CTIF: variants seen among roughly 807,000 people sequenced by gnomAD.
CTIF encodes cap binding complex dependent translation initiation factor, also known as CBP80/20-dependent translation initiation factor.
Under a neutral mutation model 66.0 loss-of-function variants are expected in CTIF, and 21 were observed. That is an observed-to-expected ratio of 0.32 (90% CI 0.23 to 0.46). The LOEUF is 0.46. Ranked by LOEUF, CTIF falls within the 20% of genes least tolerant of loss-of-function variation. CTIF has a pLI of 1.00. For missense variants in CTIF, 739 were observed against 812.7 expected, an observed-to-expected ratio of 0.91 and a Z score of 1.10; for synonymous variants, 345 against 326.4, an observed-to-expected ratio of 1.06 and a Z score of -0.62.
intron 10 of CTIF, among the ~76,000 whole-genome samples, chr18:48,829,082 G>A (rs1422964382): frequency 6.6e-6 from 1 of 152,242 alleles, no homozygotes; most frequent in East Asian, 1.9e-4. Context: ...GGAGGAGGGA[G>A]GGGGTGCAGA....
At chr18:48,771,065 CTGGGCGGTGG>C (rs1391191161) in intron 9 of CTIF, among the ~76,000 whole-genome samples, 3 of 152,140 alleles carry the variant, frequency 2.0e-5, no homozygotes, top group Admixed American at 2.0e-4. Flanking sequence ...TATTGTCTTC[CTGGGCGGTGG>C]GCCCAGGATT....
At chr18:48,846,237 T>G (rs937013393) in intron 10 of CTIF, among the ~76,000 whole-genome samples, 4 of 152,226 alleles carry the variant, frequency 2.6e-5, no homozygotes, top group Non-Finnish European at 4.4e-5. Flanking sequence ...CTAGTGCACA[T>G]TTTTTGCTTT....
rs201591581 is a variant in CTIF at position 48,636,651 on chromosome 18, G to A, written c.218G>A (p.Cys73Tyr). The part of the protein sequence containing the change: ...ADCSEPLDSS[C>Y]SFSRGRAPPQ... ...TGCAGCGAACCGCTGGACAGCAGCTGTTCCTTCTCCCGAGGGCGAGCCCCC... is the reference window on the plus strand; with the variant it reads ...TGCAGCGAACCGCTGGACAGCAGCTATTCCTTCTCCCGAGGGCGAGCCCCC... The change falls in exon 3 of 12, where the codon TGT becomes TAT. Residue 73 changes from cysteine to tyrosine, a missense_variant. Physicochemically the swap from Cys to Tyr is radical, Grantham distance 194. Coordinates refer to ENST00000256413, the MANE Select transcript of CTIF (RefSeq NM_014772.3). 25 of 1,601,666 alleles carry A rather than the reference G, an allele frequency of 1.6e-5. No homozygotes were observed. The highest frequency in any genetic ancestry group is 2.0e-5 in the Non-Finnish European group (23 of 1,175,148).
intron 2 of CTIF, among the ~76,000 whole-genome samples, chr18:48,628,243 T>C (rs1171624557): frequency 6.6e-6 from 1 of 152,118 alleles, no homozygotes; most frequent in African/African-American, 2.4e-5. Flanking sequence ...ATTAGTCACC[T>C]TAGAGGAGAT....
At position 48,857,601 on chromosome 18, in the gene CTIF, A is replaced by G. The variant is rs147123396; in HGVS notation, c.1541A>G (p.Gln514Arg). 2.9e-4 allele frequency: 467 copies of G among 1,608,338 alleles called. No homozygotes were observed. The highest frequency in any genetic ancestry group is 3.8e-4 in the Non-Finnish European group (442 of 1,177,374). Residue 514 changes from glutamine to arginine, a missense_variant, in exon 11 of 12, where the codon CAG becomes CGG. Physicochemically the swap from Gln to Arg is conservative, Grantham distance 43. Transcript: ENST00000256413. Reference protein sequence around the residue: ...YTCLRELLQSQDVKEDAVLCC... With the variant: ...YTCLRELLQSRDVKEDAVLCC... Reference sequence around the variant, plus strand: ...TCTCTTCCACAGCTCTTGCAATCTCAGGATGTGAAGGAAGATGCTGTCCTT... The same window carrying G: ...TCTCTTCCACAGCTCTTGCAATCTCGGGATGTGAAGGAAGATGCTGTCCTT...
Position 48,758,056 on chromosome 18 carries a change from A to T in CTIF, c.722A>T (p.His241Leu), listed in dbSNP as rs1033412889. 2.5e-6 allele frequency: 4 copies of T among 1,613,992 alleles called. No homozygotes were observed. Among genetic ancestry groups the T allele is most frequent in the Non-Finnish European group, 2.5e-6 (3 of 1,179,970 alleles). Reference protein sequence around the residue: ...SAPHPSGRPTHHGYSQNRRWH... With the variant: ...SAPHPSGRPTLHGYSQNRRWH... Reference sequence around the variant, plus strand: ...CCCCACCCCTCAGGGAGGCCCACTCACCATGGCTACAGCCAGAACCGGCGC... The same window carrying T: ...CCCCACCCCTCAGGGAGGCCCACTCTCCATGGCTACAGCCAGAACCGGCGC... Residue 241 changes from histidine to leucine, a missense_variant, in exon 8 of 12, where the codon CAC (histidine) becomes CTC (leucine). Transcript: ENST00000256413.
intron 1 of CTIF, among the ~76,000 whole-genome samples, chr18:48,604,068 T>A (rs1455961227): frequency 6.7e-6 from 1 of 150,338 alleles, no homozygotes; most frequent in Non-Finnish European, 1.5e-5. Flanking sequence ...TGAGCTGAAC[T>A]CCTGAGCTCA....
intron 1 of CTIF, among the ~76,000 whole-genome samples, chr18:48,550,803 G>A (rs1367967614): frequency 6.6e-6 from 1 of 152,132 alleles, no homozygotes. Flanking sequence ...CGGCCACAGG[G>A]TCCATGCTTC....
At chr18:48,728,202 C>T (rs1168055430) in intron 7 of CTIF, among the ~76,000 whole-genome samples, 3 of 152,146 alleles carry the variant, frequency 2.0e-5, no homozygotes, top group Non-Finnish European at 4.4e-5. Flanking sequence ...TCCCTTAAAG[C>T]CCCCATCACC....
At chr18:48,637,582 A>T (rs2090847378) in intron 3 of CTIF, among the ~76,000 whole-genome samples, 1 of 152,068 alleles carries the variant, frequency 6.6e-6, no homozygotes. Flanking sequence ...GCTTCAGTCC[A>T]CTTAATCATG....
intron 1 of CTIF, among the ~76,000 whole-genome samples, chr18:48,575,462 A>G (rs1322618772): frequency 1.3e-5 from 2 of 152,166 alleles, no homozygotes; most frequent in Non-Finnish European, 2.9e-5. Flanking sequence ...TAATTAGATT[A>G]ATTTTCGATT....
intron 7 of CTIF, among the ~76,000 whole-genome samples, chr18:48,724,582 G>A (rs1283778177): frequency 1.3e-5 from 2 of 152,144 alleles, no homozygotes; most frequent in African/African-American, 2.4e-5. Flanking sequence ...ACTATTCATG[G>A]CCTCATTCAT....
chr18:48,660,972 ATCAT>A (rs1214737777), intron 3 of CTIF, among the ~76,000 whole-genome samples: 1 of 152,202 alleles, frequency 6.6e-6, no homozygotes, highest in Non-Finnish European at 1.5e-5. Flanking sequence ...AGGACGGTAA[ATCAT>A]TCTTGACATC....
At chr18:48,842,437 A>G (rs1324189721) in intron 10 of CTIF, among the ~76,000 whole-genome samples, 1 of 152,132 alleles carries the variant, frequency 6.6e-6, no homozygotes, top group African/African-American at 2.4e-5. Context: ...ATTATAGAAG[A>G]TGGGTCAACG....
rs189784069 is a variant in CTIF, at chr18:48,649,946, A to G, written c.252+13261A>G. Among the ~76,000 whole-genome samples the G allele has an allele frequency of 7.9e-5, 12 of 152,362 alleles. No individual in the cohort carries two copies. The East Asian group carries it at 1.9e-3, about 24-fold the overall frequency. On this transcript the variant is annotated intron_variant, in intron 3 of 11. Transcript: ENST00000256413. ...AATAGCATCAACATCAACAAAAAGG[A>G]CATCCACACCAAAGCCCCATCTGTA...
At chr18:48,750,293 T>C (rs554754876) in intron 7 of CTIF, among the ~76,000 whole-genome samples, 82 of 152,332 alleles carry the variant, frequency 5.4e-4, no homozygotes, top group Admixed American at 1.8e-3. Context: ...AAACTGGTTC[T>C]GGGCAATGTG....
chr18:48,842,948 G>A (rs2068981252), intron 10 of CTIF, among the ~76,000 whole-genome samples: 1 of 152,190 alleles, frequency 6.6e-6, no homozygotes. Flanking sequence ...GGGGCAGGGA[G>A]GAGGCTCAGC....
chr18:48,646,284 G>C (rs559912442), intron 3 of CTIF, among the ~76,000 whole-genome samples: 1 of 152,272 alleles, frequency 6.6e-6, no homozygotes, highest in South Asian at 2.1e-4. Context: ...GTTTTTCCCT[G>C]AAGGTGATGT....
At chr18:48,686,545 CT>C (rs1229962283) in intron 6 of CTIF, among the ~76,000 whole-genome samples, 3 of 151,792 alleles carry the variant, frequency 2.0e-5, no homozygotes, top group Non-Finnish European at 4.4e-5. Flanking sequence ...CGTTTTTTTA[CT>C]CTCTCCTCCC....
Sources: gnomAD v4.1 joint callset for allele counts (sites outside exome capture counted in the v4.1 genomes callset) on GRCh38, gnomAD v4.1.1 for gene constraint, MANE v1.5 for transcripts, NCBI Gene and HGNC (gene_info 2026-07-23, HGNC 2026-07-21) for gene names.